The following SAMD5 variants were observed in gnomAD, a reference collection of about 807,000 sequenced individuals.
SAMD5 encodes sterile alpha motif domain containing 5.
SAMD5 carries 13 observed loss-of-function variants against 11.3 expected under a neutral mutation model. The ratio of observed to expected loss-of-function variants is 1.15; its 90% CI spans 0.75 to 1.83. SAMD5 has a LOEUF of 1.83. Ranked by LOEUF, SAMD5 falls within the 40% of genes most tolerant of loss-of-function variation. SAMD5 has a pLI of 0.00. For synonymous variants in SAMD5, 129 were observed against 111.3 expected, an observed-to-expected ratio of 1.16 and a Z score of -1.00; for missense variants, 255 against 239.1, an observed-to-expected ratio of 1.07 and a Z score of -0.44.
the SAMD5 span, among the ~76,000 whole-genome samples, chr6:147,922,304 A>G: frequency 6.6e-6 from 1 of 152,174 alleles, no homozygotes; most frequent in Non-Finnish European, 1.5e-5. Flanking sequence ...GGTACATTCT[A>G]GTACTCACTA....
the SAMD5 span, among the ~76,000 whole-genome samples, chr6:147,775,455 A>T: frequency 6.6e-6 from 1 of 152,060 alleles, no homozygotes; most frequent in Non-Finnish European, 1.5e-5. Context: ...TAATGTCATC[A>T]CTGGAGTTAG....
chr6:147,747,758 A>G, the SAMD5 span, among the ~76,000 whole-genome samples: 5 of 152,136 alleles, frequency 3.3e-5, no homozygotes, highest in African/African-American at 1.2e-4. Context: ...TTTATTTATC[A>G]GCCATTTGAA....
At chr6:147,772,977 G>A in the SAMD5 span, among the ~76,000 whole-genome samples, 4 of 152,096 alleles carry the variant, frequency 2.6e-5, no homozygotes, top group East Asian at 1.9e-4. Flanking sequence ...AGGGTGGAAC[G>A]ACACTCACAT....
chr6:147,543,348 T>G (rs905893916), intron 1 of SAMD5, among the ~76,000 whole-genome samples: 2 of 152,198 alleles, frequency 1.3e-5, no homozygotes, highest in African/African-American at 4.8e-5. Context: ...TTTCTTCCAT[T>G]GCTAGAGAAA....
At chr6:147,777,486 C>G in the SAMD5 span, among the ~76,000 whole-genome samples, 1 of 152,072 alleles carries the variant, frequency 6.6e-6, no homozygotes. Context: ...ACTCCTCAGT[C>G]TCTTCTTTTA....
chr6:147,523,092 G>A (rs868229612), intron 1 of SAMD5, among the ~76,000 whole-genome samples: 8 of 151,636 alleles, frequency 5.3e-5, no homozygotes, highest in Admixed American at 3.9e-4. Context: ...CCCTATAGTC[G>A]GCTCCCTTCC....
the SAMD5 span, among the ~76,000 whole-genome samples, chr6:147,896,759 A>C: frequency 2.7e-5 from 4 of 150,592 alleles, no homozygotes; most frequent in African/African-American, 9.8e-5. Context: ...AAAAAAAAAA[A>C]AAAACGCATC....
chr6:147,680,072 AT>A (rs1790919389), intron 1 of SAMD5, among the ~76,000 whole-genome samples: 1 of 151,914 alleles, frequency 6.6e-6, no homozygotes, highest in Non-Finnish European at 1.5e-5. Context: ...GTTGCTTTGG[AT>A]TTTCTAGGTC....
intron 1 of SAMD5, among the ~76,000 whole-genome samples, chr6:147,594,776 A>G (rs1789505613): frequency 6.6e-6 from 1 of 152,210 alleles, no homozygotes. Context: ...GGCCATATGA[A>G]GAAAATTGGG....
chr6:147,881,589 C>T, the SAMD5 span, among the ~76,000 whole-genome samples: 1 of 152,192 alleles, frequency 6.6e-6, no homozygotes, highest in Non-Finnish European at 1.5e-5. Context: ...TTGACTCCTG[C>T]TTGTCAGAGA....
chr6:147,576,754 G>C (rs1326432022), intron 1 of SAMD5, among the ~76,000 whole-genome samples: 1 of 152,186 alleles, frequency 6.6e-6, no homozygotes, highest in Non-Finnish European at 1.5e-5. Context: ...TGTTATCTGT[G>C]ATGTCCTTAG....
intron 1 of SAMD5, among the ~76,000 whole-genome samples, chr6:147,647,963 C>T (rs969847135): frequency 2.6e-5 from 4 of 152,182 alleles, no homozygotes; most frequent in African/African-American, 9.7e-5. Flanking sequence ...GTAAATTGAT[C>T]AAGGTTACGT....
chr6:147,782,921 A>G, the SAMD5 span, among the ~76,000 whole-genome samples: 1 of 152,150 alleles, frequency 6.6e-6, no homozygotes, highest in African/African-American at 2.4e-5. Context: ...GTTTTATTCT[A>G]GCTGGTTATT....
intron 1 of SAMD5, among the ~76,000 whole-genome samples, chr6:147,703,540 G>C (rs553244909): frequency 6.6e-6 from 1 of 152,290 alleles, no homozygotes; most frequent in South Asian, 2.1e-4. Flanking sequence ...TCAAAGAATG[G>C]AAGACCCTGG....
the SAMD5 span, among the ~76,000 whole-genome samples, chr6:147,857,317 A>G: frequency 6.6e-6 from 1 of 150,768 alleles, no homozygotes; most frequent in African/African-American, 2.5e-5. Context: ...AGCCTGAGCA[A>G]CAAAGTGAGG....
the SAMD5 span, among the ~76,000 whole-genome samples, chr6:147,910,568 T>C: frequency 6.6e-6 from 1 of 152,158 alleles, no homozygotes; most frequent in African/African-American, 2.4e-5. Context: ...CTCATGTTGT[T>C]TGATCTAAAG....
the SAMD5 span, among the ~76,000 whole-genome samples, chr6:147,918,748 A>T: frequency 1.5e-4 from 21 of 144,416 alleles, no homozygotes; most frequent in East Asian, 4.1e-3. Context: ...CCCAGGCTGA[A>T]ATGCAGTGGC....
intron 1 of SAMD5, among the ~76,000 whole-genome samples, chr6:147,645,529 G>C (rs541282784): frequency 3.3e-5 from 5 of 152,278 alleles, no homozygotes; most frequent in African/African-American, 9.6e-5. Flanking sequence ...ATTCAGCACA[G>C]AGGCCATCCT....
chr6:147,673,740 A>G (rs891833526), intron 1 of SAMD5, among the ~76,000 whole-genome samples: 18 of 152,182 alleles, frequency 1.2e-4, no homozygotes, highest in African/African-American at 4.1e-4. Flanking sequence ...TTAAACATCA[A>G]TTCTTCGGTG....
Sources: allele counts gnomAD v4.1 joint callset (sites outside exome capture counted in the v4.1 genomes callset), GRCh38; gene constraint gnomAD v4.1.1; transcripts MANE v1.5; gene names NCBI Gene and HGNC (gene_info 2026-07-23, HGNC 2026-07-21).